Variants in SLC9A8 observed in about 807,000 individuals in gnomAD.
SLC9A8 encodes solute carrier family 9 member A8, also known as sodium/hydrogen exchanger 8.
SLC9A8 carries 48 observed loss-of-function variants against 66.6 expected under a neutral mutation model. That is an observed-to-expected ratio of 0.72 (90% CI 0.57 to 0.92). The LOEUF (loss-of-function observed/expected upper bound fraction) is 0.92. Among genes scored for constraint, SLC9A8 ranks in the 40% least tolerant of loss-of-function variants. The pLI is 0.00. For missense variants in SLC9A8, 599 were observed against 747.3 expected (o/e 0.80, Z 2.31); for synonymous variants, 274 against 282.6 (o/e 0.97, Z 0.31).
chr20:49,834,857 TAAAGCAGA>T (rs1237122305), intron 3 of SLC9A8, among the ~76,000 whole-genome samples: 1 of 152,154 alleles, frequency 6.6e-6, no homozygotes, highest in Non-Finnish European at 1.5e-5. Context: ...GAGGTTTTAG[TAAAGCAGA>T]AAAACACTAA....
chr20:49,841,331 T>C lies in SLC9A8; in HGVS notation c.348+1732T>C, dbSNP rs1374618495. Among the ~76,000 whole-genome samples, 4 of 140,568 alleles carry C rather than the reference T, an allele frequency of 2.8e-5. No homozygotes were observed. The East Asian group carries it at 6.1e-4, about 22-fold the overall frequency. The allele number at this position is 140,568 out of a possible 152,430, so 92.2% of individuals were successfully genotyped here. A position where few individuals can be genotyped will look rare whatever the true frequency, so the allele number is the denominator to read the frequency against. On this transcript the variant is annotated intron_variant, in intron 4 of 15. Coordinates refer to ENST00000361573, the MANE Select transcript of SLC9A8 (RefSeq NM_015266.3). ...GTCTCTAAAAAAAAAAAAAAAAAAGTTGGGGCAGGCTTCCTGGAGGAGACT... is the reference window on the plus strand; with the variant it reads ...GTCTCTAAAAAAAAAAAAAAAAAAGCTGGGGCAGGCTTCCTGGAGGAGACT...
At position 49,853,302 on chromosome 20, in the gene SLC9A8, T is replaced by G. The variant is rs184870928; in HGVS notation, c.570-2136T>G. 1.2e-3 allele frequency among the ~76,000 whole-genome samples: 187 copies of G among 152,214 alleles called. 1 individual carries two copies. The highest frequency in any genetic ancestry group is 1.7e-3 in the Non-Finnish European group (117 of 68,012). The stretch of plus-strand genomic sequence containing the variant: ...CGGACTACAGGTATGCGGCACCACT[T>G]CCGGCTAATTTTTGTGTGTGTAGAG... On this transcript the variant is annotated intron_variant, in intron 7 of 15. Transcript: ENST00000361573.
intron 15 of SLC9A8, 134 bp downstream of exon 15, chr20:49,887,032 C>A: frequency 2.1e-6 from 2 of 946,820 alleles, no homozygotes; most frequent in Non-Finnish European, 3.1e-6. Flanking sequence ...GCCGCCGCCT[C>A]CCGATCTGGA....
intron 3 of SLC9A8, among the ~76,000 whole-genome samples, chr20:49,834,405 GTATA>G (rs57162343): frequency 2.4e-5 from 1 of 40,870 alleles, no homozygotes; most frequent in Non-Finnish European, 5.2e-5. Flanking sequence ...TATATACTGT[GTATA>G]TATATATACT....
At chr20:49,823,644 G>A (rs534804414) in intron 3 of SLC9A8, among the ~76,000 whole-genome samples, 1 of 152,138 alleles carries the variant, frequency 6.6e-6, no homozygotes, top group South Asian at 2.1e-4. Context: ...TGTTTCCTGT[G>A]CCAATTAACT....
At chr20:49,887,568 CTG>C (rs1039486813) in intron 15 of SLC9A8, among the ~76,000 whole-genome samples, 8 of 152,178 alleles carry the variant, frequency 5.3e-5, no homozygotes, top group African/African-American at 1.2e-4. Flanking sequence ...GCAGAGCTAA[CTG>C]TGTCTGACTC....
At chr20:49,885,764 A>G (rs1344782357) in intron 14 of SLC9A8, among the ~76,000 whole-genome samples, 1 of 152,076 alleles carries the variant, frequency 6.6e-6, no homozygotes, top group African/African-American at 2.4e-5. Context: ...CATTATACCC[A>G]CTTTGCAGAT....
intron 14 of SLC9A8, among the ~76,000 whole-genome samples, chr20:49,885,602 G>T (rs183594256): frequency 6.6e-6 from 1 of 152,248 alleles, no homozygotes; most frequent in Admixed American, 6.5e-5. Context: ...CTGTGAACAC[G>T]CTTGGCGAAG....
chr20:49,816,571 G>A (rs563683612), intron 2 of SLC9A8, among the ~76,000 whole-genome samples: 3 of 152,170 alleles, frequency 2.0e-5, no homozygotes, highest in East Asian at 1.9e-4. Context: ...GATACCAGTC[G>A]AGAGGTTTAG....
chr20:49,819,305 C>T (rs1327780248), intron 2 of SLC9A8, among the ~76,000 whole-genome samples: 1 of 152,220 alleles, frequency 6.6e-6, no homozygotes, highest in Non-Finnish European at 1.5e-5. Context: ...CCATACCACA[C>T]AGAAGTGTTT....
chr20:49,834,143 C>G (rs865811238), intron 3 of SLC9A8, among the ~76,000 whole-genome samples: 33 of 41,528 alleles, frequency 7.9e-4, no homozygotes, highest in Middle Eastern at 0.014. Context: ...TAGCTTGTCT[C>G]TCTCTCTCTC....
At position 49,881,045 on chromosome 20, in the gene SLC9A8, A is replaced by G. The variant is rs781388450; in HGVS notation, c.1270+10A>G. On this transcript the variant is annotated intron_variant, in intron 13 of 15. Transcript: ENST00000361573. ...ATCATGTGGTTTAGTGGTAAGTCAA[A>G]TCTTGGATAAATGGGGTGGGGAAGT... is the stretch of plus-strand genomic sequence containing the variant. 25 of 1,580,042 alleles carry G rather than the reference A, an allele frequency of 1.6e-5. No individual in the cohort carries two copies. Among genetic ancestry groups the G allele is most frequent in the Non-Finnish European group, 2.1e-5 (24 of 1,149,052 alleles).
intron 14 of SLC9A8, among the ~76,000 whole-genome samples, chr20:49,884,337 C>CACACACACACACACACACACACACACA (rs1555848454): frequency 1.8e-4 from 13 of 72,366 alleles, no homozygotes; most frequent in African/African-American, 2.9e-4. Context: ...CACACACACA[C>CACACACACACACACACACACACACACA]CCCCCGGTCA....
chr20:49,842,062 T>TA (rs1555834295), intron 4 of SLC9A8, among the ~76,000 whole-genome samples: 27 of 143,446 alleles, frequency 1.9e-4, no homozygotes, highest in African/African-American at 3.0e-4. Flanking sequence ...TTATTTTATT[T>TA]TTTTTTTTTT....
At chr20:49,839,890 CTAAT>C (rs2087693072) in intron 4 of SLC9A8, among the ~76,000 whole-genome samples, 1 of 152,080 alleles carries the variant, frequency 6.6e-6, no homozygotes, top group African/African-American at 2.4e-5. Flanking sequence ...GGAAAATTCT[CTAAT>C]TAGCATTAAA....
intron 1 of SLC9A8, among the ~76,000 whole-genome samples, chr20:49,814,149 A>G (rs1265720567): frequency 6.6e-6 from 1 of 152,198 alleles, no homozygotes; most frequent in East Asian, 1.9e-4. Flanking sequence ...AAACAGCCTC[A>G]GCAGCACAAA....
At position 49,882,226 on chromosome 20, in the gene SLC9A8, G is replaced by A. The variant is rs1204476272; in HGVS notation, c.1270+1191G>A. 5.3e-5 allele frequency among the ~76,000 whole-genome samples: 8 copies of A among 152,278 alleles called. No individual in the cohort carries two copies. The East Asian group carries it at 9.6e-4, about 18-fold the overall frequency. On this transcript the variant is annotated intron_variant, in intron 13 of 15. Coordinates refer to ENST00000361573, the MANE Select transcript of SLC9A8 (RefSeq NM_015266.3). ...ATGGCCAGACCCTTGCGAGTGAGCC[G>A]TGCTCGCTCATTTTCTCCACTTCTT...
chr20:49,877,155 G>A (rs983826547), intron 11 of SLC9A8, among the ~76,000 whole-genome samples: 10 of 151,260 alleles, frequency 6.6e-5, no homozygotes, highest in Non-Finnish European at 8.8e-5. Flanking sequence ...ATAGCTGGGC[G>A]TGGTGGCGAG....
intron 1 of SLC9A8, among the ~76,000 whole-genome samples, chr20:49,814,742 C>G (rs980738688): frequency 6.6e-6 from 1 of 152,182 alleles, no homozygotes; most frequent in Non-Finnish European, 1.5e-5. Flanking sequence ...TGCCAAAGAG[C>G]AGGCAGCATT....
Sources: gnomAD v4.1 joint callset for allele counts (sites outside exome capture counted in the v4.1 genomes callset) on GRCh38, gnomAD v4.1.1 for gene constraint, MANE v1.5 for transcripts, NCBI Gene and HGNC (gene_info 2026-07-23, HGNC 2026-07-21) for gene names.